The following STYX variants were observed in gnomAD, a reference collection of about 807,000 sequenced individuals.
STYX encodes the protein serine/threonine/tyrosine interacting protein.
In STYX, 20 loss-of-function variants were observed where a neutral mutation model predicts 42.7. The observed-to-expected ratio is 0.47, with a 90% CI of 0.33 to 0.68. The LOEUF (loss-of-function observed/expected upper bound fraction) is 0.68. Ranked by LOEUF, STYX falls within the 30% of genes least tolerant of loss-of-function variation. The pLI, the probability that STYX is intolerant of heterozygous loss-of-function variation, is 0.02. For missense variants in STYX, 226 were observed against 268.5 expected (o/e 0.84, Z 1.11); for synonymous variants, 78 against 81.9 (o/e 0.95, Z 0.26).
intron 4 of STYX, among the ~76,000 whole-genome samples, chr14:52,753,804 C>T (rs1336349092): frequency 1.4e-5 from 2 of 146,726 alleles, no homozygotes; most frequent in Admixed American, 1.4e-4. Flanking sequence ...ATATGGAGGG[C>T]TGACTCTTTA....
chr14:52,749,041 A>G (rs1881503884), intron 3 of STYX, among the ~76,000 whole-genome samples: 1 of 152,270 alleles, frequency 6.6e-6, no homozygotes, highest in African/African-American at 2.4e-5. Context: ...CAAACAAAAT[A>G]CCATAGACAG....
At chr14:52,750,069 C>A (rs1881549474) in intron 3 of STYX, among the ~76,000 whole-genome samples, 1 of 152,006 alleles carries the variant, frequency 6.6e-6, no homozygotes, top group African/African-American at 2.4e-5. Context: ...ACCTTGGGAC[C>A]AGCATTTTAG....
chr14:52,762,878 CTTTCTTTTTTTT>C (rs1882150253), intron 9 of STYX, among the ~76,000 whole-genome samples: 2 of 77,430 alleles, frequency 2.6e-5, no homozygotes, highest in Admixed American at 1.3e-4. Context: ...TTCTTTCTTT[CTTTCTTTTTTTT>C]TTTTTTTTTT....
At chr14:52,758,452 A>G (rs886992833) in intron 8 of STYX, among the ~76,000 whole-genome samples, 4 of 152,188 alleles carry the variant, frequency 2.6e-5, no homozygotes, top group African/African-American at 9.7e-5. Flanking sequence ...TTGTTCTACA[A>G]ATTAGAAATC....
intron 4 of STYX, among the ~76,000 whole-genome samples, chr14:52,751,817 C>G (rs1217411146): frequency 6.6e-6 from 1 of 152,150 alleles, no homozygotes; most frequent in Admixed American, 6.5e-5. Flanking sequence ...CACCTTGCTC[C>G]TATCCTGGGA....
chr14:52,753,106 A>G (rs1445304825), intron 4 of STYX, among the ~76,000 whole-genome samples: 3 of 142,222 alleles, frequency 2.1e-5, no homozygotes, highest in Non-Finnish European at 4.5e-5. Context: ...GCTGGAGTGC[A>G]GTGGCATGAT....
Position 52,738,068 on chromosome 14 carries a change from G to T in STYX, c.58-6784G>T, listed in dbSNP as rs1881028888. On this transcript the variant is annotated intron_variant, in intron 1 of 10. Transcript: ENST00000354586. ...TGGGATTACAGGCGTGAGCCACTGT[G>T]CCCGGCCAACAGGCAGGTTTAAGGT... is the stretch of plus-strand genomic sequence containing the variant. 2.0e-5 allele frequency among the ~76,000 whole-genome samples: 3 copies of T among 152,202 alleles called. No homozygotes were observed. The South Asian group carries it at 6.2e-4, about 31-fold the overall frequency.
At position 52,773,315 on chromosome 14, in the gene STYX, G is replaced by GTGTATATA. The variant is rs138413858; in HGVS notation, c.*2210_*2211insGTATATAT. ...TGTCATCATCTTGAGTACTCTGTGT[G>GTGTATATA]TATATATATATATATAGATAGATAG... On this transcript the variant is annotated 3_prime_UTR_variant, in exon 11 of 11. Coordinates refer to ENST00000354586, the MANE Select transcript of STYX (RefSeq NM_145251.4). 1 of 137,344 alleles carries GTGTATATA rather than the reference G, an allele frequency of 7.3e-6. No individual in the cohort carries two copies. Among genetic ancestry groups the GTGTATATA allele is most frequent in the African/African-American group, 2.6e-5 (1 of 38,170 alleles). The allele number at this position is 137,344 out of a possible 1,614,324, so 8.5% of individuals were successfully genotyped here.
At chr14:52,751,991 C>T (rs1171097947) in intron 4 of STYX, among the ~76,000 whole-genome samples, 1 of 152,028 alleles carries the variant, frequency 6.6e-6, no homozygotes, top group Non-Finnish European at 1.5e-5. Flanking sequence ...GGCAAAACCC[C>T]ATCTCTACTA....
At chr14:52,763,562 G>A (rs1371800403) in intron 9 of STYX, among the ~76,000 whole-genome samples, 1 of 152,086 alleles carries the variant, frequency 6.6e-6, no homozygotes, top group Non-Finnish European at 1.5e-5. Flanking sequence ...TTGATATTCT[G>A]TGATTTCAGT....
intron 8 of STYX, 62 bp from the exon 9 acceptor site, chr14:52,759,620 G>T: frequency 8.6e-7 from 1 of 1,156,320 alleles, no homozygotes; most frequent in Non-Finnish European, 1.3e-6. Context: ...TTGCTAAGTT[G>T]TATGATTATG....
chr14:52,746,439 G>A lies in STYX; in HGVS notation c.104G>A (p.Gly35Glu), dbSNP rs928015955. 3 of 1,557,780 alleles carry A rather than the reference G, an allele frequency of 1.9e-6. No homozygotes were observed. Among genetic ancestry groups the A allele is most frequent in the Non-Finnish European group, 2.6e-6 (3 of 1,162,058 alleles). ...MRREMQEILP[G>E]LFLGPYSSAM... ...TTTTTTTTCTAGGAAATTTTACCTGGATTGTTCTTAGGCCCATATTCATCT... is the reference window on the plus strand; with the variant it reads ...TTTTTTTTCTAGGAAATTTTACCTGAATTGTTCTTAGGCCCATATTCATCT... Residue 35 changes from glycine (G) to glutamate (E), a missense_variant, in exon 3 of 11, where the codon GGA (glycine) becomes GAA (glutamate). Gly to Glu is a moderately conservative substitution (Grantham distance 98). Coordinates refer to ENST00000354586, the MANE Select transcript of STYX (RefSeq NM_145251.4).
At chr14:52,749,431 G>A (rs1881522501) in intron 3 of STYX, among the ~76,000 whole-genome samples, 1 of 152,034 alleles carries the variant, frequency 6.6e-6, no homozygotes, top group Admixed American at 6.6e-5. Context: ...CAGAAAATGG[G>A]AATTAAATAT....
chr14:52,747,289 A>G (rs1881430921), intron 3 of STYX, among the ~76,000 whole-genome samples: 1 of 152,230 alleles, frequency 6.6e-6, no homozygotes, highest in African/African-American at 2.4e-5. Context: ...CGTGGAACAT[A>G]TCATAGATGT....
At chr14:52,755,121 G>GTTTTTTTTTTTTTTTTTTTTTTTTTTT (rs537098365) in intron 4 of STYX, among the ~76,000 whole-genome samples, 1 of 139,308 alleles carries the variant, frequency 7.2e-6, no homozygotes. Flanking sequence ...TTGTTTTTTT[G>GTTTTTTTTTTTTTTTTTTTTTTTTTTT]TTTTTTTTTT....
chr14:52,732,104 T>TG (rs1566666254), intron 1 of STYX, among the ~76,000 whole-genome samples: 7 of 149,410 alleles, frequency 4.7e-5, no homozygotes, highest in East Asian at 2.0e-4. Context: ...TTTTTTTTTT[T>TG]TTTTTTTTTG....
chr14:52,751,127 G>A (rs1229467168), intron 4 of STYX, among the ~76,000 whole-genome samples: 1 of 152,060 alleles, frequency 6.6e-6, no homozygotes, highest in Non-Finnish European at 1.5e-5. Flanking sequence ...AGCATCTACT[G>A]TTACCTCTTT....
At chr14:52,734,546 C>G (rs1880869598) in intron 1 of STYX, among the ~76,000 whole-genome samples, 1 of 152,078 alleles carries the variant, frequency 6.6e-6, no homozygotes, top group Non-Finnish European at 1.5e-5. Context: ...AAAGACACTC[C>G]TATTAGAAAA....
chr14:52,773,044 T>C lies in STYX; in HGVS notation c.*1938T>C, dbSNP rs191733083. On this transcript the variant is annotated 3_prime_UTR_variant, in exon 11 of 11. Coordinates refer to ENST00000354586, the MANE Select transcript of STYX (RefSeq NM_145251.4). ...CTTACAGTGTAATAATAATCTATGA[T>C]GCTTCATTTAGCAGAAACTCTGCTT... 1 of 152,316 alleles carries C rather than the reference T, an allele frequency of 6.6e-6. No individual in the cohort carries two copies. The highest frequency in any genetic ancestry group is 1.5e-5 in the Non-Finnish European group (1 of 68,036). 9.4% of individuals were successfully genotyped at this position (152,316 alleles called of 1,614,324 possible).
Sources: gnomAD v4.1 joint callset for allele counts (sites outside exome capture counted in the v4.1 genomes callset) on GRCh38, gnomAD v4.1.1 for gene constraint, MANE v1.5 for transcripts, NCBI Gene and HGNC (gene_info 2026-07-23, HGNC 2026-07-21) for gene names.